The following CPN1 variants were observed in gnomAD, a reference collection of about 807,000 sequenced individuals.
CPN1 encodes carboxypeptidase N catalytic chain.
In CPN1, 37 loss-of-function variants were observed where a neutral mutation model predicts 46.4. The ratio of observed to expected loss-of-function variants is 0.80; its 90% CI spans 0.61 to 1.05. The LOEUF is 1.05. Ranked by LOEUF, CPN1 falls within the 50% of genes least tolerant of loss-of-function variation. CPN1 has a pLI of 0.00. For missense variants in CPN1, 563 were observed against 602.6 expected (o/e 0.93, Z 0.69); for synonymous variants, 224 against 235.4 (o/e 0.95, Z 0.44).
At chr10:100,052,034 G>A (rs1477476112) in intron 7 of CPN1, among the ~76,000 whole-genome samples, 3 of 151,434 alleles carry the variant, frequency 2.0e-5, no homozygotes, top group Admixed American at 6.6e-5. Flanking sequence ...TCAGCTTCCC[G>A]AGTAGCTGGG....
intron 5 of CPN1, among the ~76,000 whole-genome samples, chr10:100,059,236 C>T (rs1394831199): frequency 6.6e-6 from 1 of 152,054 alleles, no homozygotes; most frequent in Non-Finnish European, 1.5e-5. Context: ...GACAGTATCT[C>T]TAGGACAGAA....
chr10:100,050,276 C>G (rs1209331717), intron 7 of CPN1, among the ~76,000 whole-genome samples: 1 of 152,122 alleles, frequency 6.6e-6, no homozygotes, highest in East Asian at 1.9e-4. Flanking sequence ...ATTGCTGGAC[C>G]GTGAGAGGTG....
intron 4 of CPN1, 125 bp from the exon 5 acceptor site, chr10:100,063,850 AG>A: frequency 1.3e-6 from 1 of 743,964 alleles, no homozygotes. Context: ...TATTTGCTTT[AG>A]TGAAAGAAAA....
At chr10:100,060,641 A>G (rs2041411322) in intron 5 of CPN1, among the ~76,000 whole-genome samples, 1 of 152,252 alleles carries the variant, frequency 6.6e-6, no homozygotes, top group Non-Finnish European at 1.5e-5. Context: ...TACAGAAAGA[A>G]TGGGGAAAGT....
At chr10:100,073,907 G>A (rs745501697) in intron 2 of CPN1, among the ~76,000 whole-genome samples, 4 of 151,978 alleles carry the variant, frequency 2.6e-5, no homozygotes, top group Non-Finnish European at 5.9e-5. Flanking sequence ...GAGCCACGGC[G>A]CCCAGCCAAG....
rs183727916 is a variant in CPN1, at chr10:100,050,592, G to A, written c.1112-1716C>T. ...TAATCTTATATTCAATGGGAAGGCTGGACTACATGACCAGTAAAGATACGA... is the reference window on the plus strand; with the variant it reads ...TAATCTTATATTCAATGGGAAGGCTAGACTACATGACCAGTAAAGATACGA... On this transcript the variant is annotated intron_variant, in intron 7 of 8. Coordinates refer to ENST00000370418, the MANE Select transcript of CPN1 (RefSeq NM_001308.3). Among the ~76,000 whole-genome samples, 31 of 152,200 alleles carry A rather than the reference G, an allele frequency of 2.0e-4. No homozygotes were observed. The East Asian group carries it at 2.7e-3, about 13-fold the overall frequency.
At chr10:100,063,336 T>C (rs1469645417) in intron 5 of CPN1, among the ~76,000 whole-genome samples, 2 of 151,714 alleles carry the variant, frequency 1.3e-5, no homozygotes, top group African/African-American at 4.8e-5. Context: ...TTAGCCAGGA[T>C]GGTCTCGATC....
At chr10:100,058,756 A>T (rs2041399807) in intron 5 of CPN1, among the ~76,000 whole-genome samples, 1 of 152,202 alleles carries the variant, frequency 6.6e-6, no homozygotes. Flanking sequence ...AGCTAGAAAA[A>T]CAAAGCTAGA....
In CPN1 at chr10:100,075,964, T is replaced by C; in HGVS notation, c.367A>G (p.Ile123Val). Reference sequence around the variant, plus strand: ...GGGTTCATGGATGGCAGGATGTGAATGCGCGTGTCCTGGATGAGCTGGACG... The same window carrying C: ...GGGTTCATGGATGGCAGGATGTGAACGCGCGTGTCCTGGATGAGCTGGACG... ...RIVQLIQDTR[I>V]HILPSMNPDG... Residue 123 changes from isoleucine (I) to valine (V), a missense_variant, in exon 2 of 9, where the codon ATT becomes GTT. Coordinates refer to ENST00000370418, the MANE Select transcript of CPN1 (RefSeq NM_001308.3). The C allele has an allele frequency of 6.2e-7, 1 of 1,614,212 alleles. No individual in the cohort carries two copies. Among genetic ancestry groups the C allele is most frequent in the Non-Finnish European group, 8.5e-7 (1 of 1,180,052 alleles).
At chr10:100,069,019 T>A (rs2133443156) in intron 3 of CPN1, among the ~76,000 whole-genome samples, 1 of 152,356 alleles carries the variant, frequency 6.6e-6, no homozygotes, top group Non-Finnish European at 1.5e-5. Context: ...ATGTAAATTA[T>A]TTTCTCTCTA....
rs1429546913 is a variant in CPN1, at chr10:100,054,355, A to G, written c.1103T>C (p.Val368Ala). The change falls in exon 7 of 9, where the codon GTC becomes GCC. Residue 368 changes from valine (V) to alanine (A), a missense_variant. Physicochemically the swap from Val to Ala is moderately conservative, Grantham distance 64. Coordinates refer to ENST00000370418, the MANE Select transcript of CPN1 (RefSeq NM_001308.3). ...VISVSGINHD[V>A]TSGDHGDYFR... ...AAGCAGTGACCACCTACCTGAAGTG[A>G]CATCATGGTTAATCCCACTGACAGA... is the stretch of plus-strand genomic sequence containing the variant. 3 of 1,612,966 alleles carry G rather than the reference A, an allele frequency of 1.9e-6. No homozygotes were observed. In the African/African-American group the frequency reaches 4.0e-5, roughly 22 times the overall value.
At chr10:100,049,424 A>G (rs1475034393) in intron 7 of CPN1, among the ~76,000 whole-genome samples, 1 of 151,440 alleles carries the variant, frequency 6.6e-6, no homozygotes, top group Non-Finnish European at 1.5e-5. Context: ...CACCACACCC[A>G]GCTAATTTTT....
At position 100,056,942 on chromosome 10, in the gene CPN1, G is replaced by A. The variant is rs555523634; in HGVS notation, c.1011+71C>T. On this transcript the variant is annotated intron_variant, in intron 6 of 8. Transcript: ENST00000370418. The stretch of plus-strand genomic sequence containing the variant: ...GAGCAAAAGTCAGACCTGAACCAGT[G>A]AAACACCTTGCCTGCCATTGAGAAG... 65 of 1,602,276 alleles carry A rather than the reference G, an allele frequency of 4.1e-5. 1 individual carries two copies. In the South Asian group the frequency reaches 6.5e-4, roughly 16 times the overall value.
intron 8 of CPN1, among the ~76,000 whole-genome samples, chr10:100,043,150 C>T (rs1184240709): frequency 1.4e-5 from 2 of 146,814 alleles, no homozygotes; most frequent in Non-Finnish European, 3.0e-5. Context: ...AATCCTTGCA[C>T]TTTAGGAGGC....
chr10:100,065,599 T>TC (rs2041450453), intron 3 of CPN1, among the ~76,000 whole-genome samples: 1 of 152,152 alleles, frequency 6.6e-6, no homozygotes, highest in South Asian at 2.1e-4. Flanking sequence ...TTATGTGGAA[T>TC]CCCAATATAC....
intron 8 of CPN1, among the ~76,000 whole-genome samples, chr10:100,048,213 G>A (rs1358882362): frequency 6.6e-6 from 1 of 152,136 alleles, no homozygotes; most frequent in Admixed American, 6.6e-5. Context: ...GGGCAAATGA[G>A]CTGAATTTAG....
chr10:100,081,470 C>G lies in CPN1; in HGVS notation c.156G>C (p.Gly52=), dbSNP rs1448864196. 1 of 1,614,004 alleles carries G rather than the reference C, an allele frequency of 6.2e-7. No homozygotes were observed. The highest frequency in any genetic ancestry group is 8.5e-7 in the Non-Finnish European group (1 of 1,180,046). The change falls in exon 1 of 9, where the codon GGG becomes GGC. Residue 52 remains glycine (G), a synonymous_variant. Transcript: ENST00000370418. ...CPGITRVYSI[G]RSVEGRHLYV... ...AGAGGTGTCTCCCCTCCACGCTGCG[C>G]CCAATGCTGTAGACCCGCGTGATGC...
At chr10:100,066,076 C>A (rs1316830775) in intron 3 of CPN1, among the ~76,000 whole-genome samples, 1 of 152,058 alleles carries the variant, frequency 6.6e-6, no homozygotes, top group Admixed American at 6.6e-5. Flanking sequence ...CTACCTCAGC[C>A]TCCCTAGTAG....
Position 100,048,711 on chromosome 10 carries a change from T to C in CPN1, c.1230+47A>G, listed in dbSNP as rs370574814. 4 of 1,326,824 alleles carry C rather than the reference T, an allele frequency of 3.0e-6. No homozygotes were observed. The African/African-American group carries it at 4.3e-5, about 14-fold the overall frequency. 82.2% of individuals were successfully genotyped at this position (1,326,824 alleles called of 1,614,324 possible). A position where few individuals can be genotyped will look rare whatever the true frequency, so the allele number is the denominator to read the frequency against. ...AGGACACTGTCCTCCAAAAAAAGAC[T>C]GTATAAGTGATCTCTACAGTGCACC... On this transcript the variant is annotated intron_variant, in intron 8 of 8. Transcript: ENST00000370418.
Sources: gnomAD v4.1 joint callset for allele counts (sites outside exome capture counted in the v4.1 genomes callset) on GRCh38, gnomAD v4.1.1 for gene constraint, MANE v1.5 for transcripts, NCBI Gene and HGNC (gene_info 2026-07-23, HGNC 2026-07-21) for gene names.